The following RIGI variants were observed in gnomAD, a reference collection of about 807,000 sequenced individuals.
The protein encoded by RIGI is RNA sensor RIG-I, also known as antiviral innate immune response receptor RIG-I.
the RIGI span, among the ~76,000 whole-genome samples, chr9:32,516,692 A>T: frequency 6.6e-6 from 1 of 152,186 alleles, no homozygotes; most frequent in Non-Finnish European, 1.5e-5. Flanking sequence ...AGCCCAACTG[A>T]CTAAGAAAGG....
the RIGI span, among the ~76,000 whole-genome samples, chr9:32,512,218 T>C: frequency 3.3e-5 from 5 of 152,216 alleles, no homozygotes; most frequent in Non-Finnish European, 5.9e-5. Flanking sequence ...ACTCATTTTA[T>C]GAGGCCAACA....
chr9:32,488,012 G>T, the RIGI span: 4 of 1,613,910 alleles, frequency 2.5e-6, no homozygotes, highest in South Asian at 4.4e-5. Flanking sequence ...CATATTGTAC[G>T]GGTGTTGTTT....
chr9:32,458,698 T>G, the RIGI span, among the ~76,000 whole-genome samples: 1 of 152,182 alleles, frequency 6.6e-6, no homozygotes, highest in African/African-American at 2.4e-5. Context: ...CCCAGAAAAT[T>G]TCTGCATACC....
At chr9:32,503,211 G>C in the RIGI span, among the ~76,000 whole-genome samples, 8 of 151,938 alleles carry the variant, frequency 5.3e-5, no homozygotes, top group Non-Finnish European at 8.8e-5. Flanking sequence ...GATATTCCAC[G>C]TGGAGATGCA....
the RIGI span, among the ~76,000 whole-genome samples, chr9:32,518,131 G>A: frequency 1.3e-5 from 2 of 152,048 alleles, no homozygotes; most frequent in African/African-American, 2.4e-5. Flanking sequence ...TATAAAATGT[G>A]CAAAAGACAA....
chr9:32,516,200 T>G, the RIGI span, among the ~76,000 whole-genome samples: 20,726 of 152,114 alleles, frequency 0.14, 1,441 homozygotes, highest in Middle Eastern at 0.29. Context: ...TCATGATTGC[T>G]TCCTGAGTTC....
At chr9:32,485,602 G>A in the RIGI span, 40 of 411,672 alleles carry the variant, frequency 9.7e-5, no homozygotes, top group Middle Eastern at 3.3e-3. Flanking sequence ...GTACAGTGGC[G>A]CGATCTCGGC....
At chr9:32,473,146 GA>G in the RIGI span, 3 of 1,042,744 alleles carry the variant, frequency 2.9e-6, no homozygotes, top group East Asian at 2.8e-5. Context: ...CATGCAAAAA[GA>G]AAAAAATTTA....
the RIGI span, among the ~76,000 whole-genome samples, chr9:32,522,753 C>T: frequency 6.6e-6 from 1 of 152,146 alleles, no homozygotes; most frequent in Non-Finnish European, 1.5e-5. Flanking sequence ...CACGCCATTC[C>T]TCAGCATGAA....
the RIGI span, among the ~76,000 whole-genome samples, chr9:32,465,495 C>A: frequency 6.6e-6 from 1 of 152,160 alleles, no homozygotes; most frequent in African/African-American, 2.4e-5. Context: ...TTCTTGGGCA[C>A]GTATTTTATG....
chr9:32,470,702 T>C, the RIGI span, among the ~76,000 whole-genome samples: 1 of 152,144 alleles, frequency 6.6e-6, no homozygotes, highest in South Asian at 2.1e-4. Context: ...AATTAAGAAA[T>C]GGAAATGTGG....
At chr9:32,501,777 C>T in the RIGI span, among the ~76,000 whole-genome samples, 2 of 152,060 alleles carry the variant, frequency 1.3e-5, no homozygotes, top group Non-Finnish European at 2.9e-5. Context: ...TAGAAGAAGA[C>T]CTAGCACGTA....
At chr9:32,467,994 A>G in the RIGI span, 1 of 1,437,284 alleles carries the variant, frequency 7.0e-7, no homozygotes. Flanking sequence ...CCTTGAAAAA[A>G]CAGCTACTAA....
At chr9:32,481,591 T>TC in the RIGI span, 3 of 958,520 alleles carry the variant, frequency 3.1e-6, no homozygotes, top group Non-Finnish European at 4.5e-6. Flanking sequence ...TCTTTTTCTT[T>TC]TTTTTTTTCC....
At chr9:32,478,633 C>G in the RIGI span, among the ~76,000 whole-genome samples, 1 of 152,206 alleles carries the variant, frequency 6.6e-6, no homozygotes, top group African/African-American at 2.4e-5. Flanking sequence ...AATCTCGGCT[C>G]ACTGCAACGT....
the RIGI span, among the ~76,000 whole-genome samples, chr9:32,510,697 A>C: frequency 6.6e-6 from 1 of 152,216 alleles, no homozygotes; most frequent in Non-Finnish European, 1.5e-5. Flanking sequence ...CAAAATAACC[A>C]GCTAGCATCA....
chr9:32,500,527 T>C, the RIGI span, among the ~76,000 whole-genome samples: 2 of 152,306 alleles, frequency 1.3e-5, no homozygotes, highest in South Asian at 4.1e-4. Context: ...TTTGCTTCCA[T>C]TGGGCAGAAA....
the RIGI span, chr9:32,500,935 C>G: frequency 1.2e-6 from 2 of 1,613,326 alleles, no homozygotes; most frequent in Non-Finnish European, 1.7e-6. Flanking sequence ...TATACTGCAC[C>G]TCTTCTACAA....
chr9:32,498,378 T>C, the RIGI span: 1 of 456,650 alleles, frequency 2.2e-6, no homozygotes, highest in Non-Finnish European at 4.4e-6. Flanking sequence ...GGTCACCCTA[T>C]TCAGCATAAA....
Sources: gnomAD v4.1 joint callset for allele counts (sites outside exome capture counted in the v4.1 genomes callset) on GRCh38, gnomAD v4.1.1 for gene constraint, MANE v1.5 for transcripts, NCBI Gene and HGNC (gene_info 2026-07-23, HGNC 2026-07-21) for gene names.